EPB41L2: variants seen among roughly 807,000 people sequenced by gnomAD.
The protein encoded by EPB41L2 is erythrocyte membrane protein band 4.1 like 2, also known as band 4.1-like protein 2.
Under a neutral mutation model 113.0 loss-of-function variants are expected in EPB41L2, and 43 were observed. That is an observed-to-expected ratio of 0.38 (90% CI 0.30 to 0.49). The LOEUF (loss-of-function observed/expected upper bound fraction) is 0.49, where lower values mean the gene tolerates loss of function less well. Ranked by LOEUF, EPB41L2 falls within the 20% of genes least tolerant of loss-of-function variation. The pLI is 0.95. For missense variants in EPB41L2, 1,147 were observed against 1,223.4 expected (o/e 0.94, Z 0.93); for synonymous variants, 442 against 436.7 (o/e 1.01, Z -0.15).
At chr6:130,879,808 T>C (rs931050189) in intron 13 of EPB41L2, among the ~76,000 whole-genome samples, 3 of 152,238 alleles carry the variant, frequency 2.0e-5, no homozygotes, top group South Asian at 2.1e-4. Context: ...AAGGATGAGA[T>C]TGTGTTACCT....
At chr6:130,882,235 TTC>T (rs1361788822) in intron 12 of EPB41L2, 2 of 152,226 alleles carry the variant, frequency 1.3e-5, no homozygotes, top group African/African-American at 4.8e-5. Context: ...CCCCCACACC[TTC>T]TGTTACAAAT....
chr6:130,951,230 T>G (rs1272415234), intron 3 of EPB41L2, among the ~76,000 whole-genome samples: 1 of 108,782 alleles, frequency 9.2e-6, no homozygotes, highest in Admixed American at 1.4e-4. Flanking sequence ...GCACTCCAGC[T>G]TGGGTGACAG....
At position 130,926,745 on chromosome 6, in the gene EPB41L2, TA is replaced by T; in HGVS notation, c.706-37del. ...AATAATAACTTTACTTTTCAAGTAC[TA>T]AAGATTCCAAGACTGCTATAAATTT... On this transcript the variant is annotated intron_variant, in intron 3 of 19. Transcript: ENST00000337057. 2.2e-6 allele frequency: 3 copies of T among 1,358,384 alleles called. No individual in the cohort carries two copies. In the South Asian group the frequency reaches 3.8e-5, roughly 17 times the overall value. 84.1% of individuals were successfully genotyped at this position (1,358,384 alleles called of 1,614,324 possible).
intron 8 of EPB41L2, among the ~76,000 whole-genome samples, chr6:130,897,870 A>G (rs1168357764): frequency 2.6e-5 from 4 of 152,198 alleles, no homozygotes; most frequent in Non-Finnish European, 4.4e-5. Context: ...AAAATTAAAA[A>G]ACATTCAAAC....
intron 1 of EPB41L2, among the ~76,000 whole-genome samples, chr6:131,002,877 G>T (rs924807764): frequency 3.3e-5 from 5 of 152,258 alleles, no homozygotes; most frequent in African/African-American, 1.2e-4. Flanking sequence ...AACCCTCGGG[G>T]TCAATGATCT....
intron 18 of EPB41L2, among the ~76,000 whole-genome samples, chr6:130,861,031 C>T (rs1006376619): frequency 1.3e-5 from 2 of 151,968 alleles, no homozygotes; most frequent in African/African-American, 4.8e-5. Flanking sequence ...TTCTGTCTGG[C>T]CCAGTGAAAG....
chr6:130,844,805 G>A (rs1317435981), intron 19 of EPB41L2, among the ~76,000 whole-genome samples: 1 of 152,154 alleles, frequency 6.6e-6, no homozygotes, highest in Admixed American at 6.5e-5. Context: ...CACTTTGGGA[G>A]GTCGAGAAGG....
At chr6:130,989,069 A>T (rs1256469595) in intron 1 of EPB41L2, among the ~76,000 whole-genome samples, 1 of 149,024 alleles carries the variant, frequency 6.7e-6, no homozygotes, top group African/African-American at 2.5e-5. Context: ...AGCCTGGGAG[A>T]TAAAGTGAGA....
intron 1 of EPB41L2, among the ~76,000 whole-genome samples, chr6:130,983,520 T>C (rs1283577879): frequency 2.6e-5 from 3 of 117,246 alleles, no homozygotes; most frequent in Non-Finnish European, 5.1e-5. Flanking sequence ...TACTATAGAC[T>C]TTTTTTTTTT....
rs150140405 is a variant in EPB41L2, at chr6:131,032,969, G to A, written c.-15+30186C>T. On this transcript the variant is annotated intron_variant, in intron 1 of 19. Transcript: ENST00000337057. ...CAGCTTACTGCAACCTCTGTCACCC[G>A]GATTCAAGCAATTCTCCTGCCTCAG... Among the ~76,000 whole-genome samples, 1,001 of 152,252 alleles carry A rather than the reference G, an allele frequency of 6.6e-3. 11 individuals are homozygous for A. Among genetic ancestry groups the A allele is most frequent in the African/African-American group, 0.023 (945 of 41,556 alleles).
intron 19 of EPB41L2, among the ~76,000 whole-genome samples, chr6:130,852,403 T>C (rs1779027826): frequency 6.6e-6 from 1 of 152,180 alleles, no homozygotes; most frequent in African/African-American, 2.4e-5. Flanking sequence ...CCCATGACAG[T>C]TGGTCTCTCC....
At chr6:130,883,533 C>T (rs1023811950) in intron 12 of EPB41L2, among the ~76,000 whole-genome samples, 1 of 152,184 alleles carries the variant, frequency 6.6e-6, no homozygotes, top group East Asian at 1.9e-4. Context: ...TTGTTCACCG[C>T]AGACAAGGAG....
chr6:130,954,036 C>CTTTTT (rs1816328530), intron 3 of EPB41L2, among the ~76,000 whole-genome samples: 9 of 45,518 alleles, frequency 2.0e-4, no homozygotes, highest in East Asian at 5.2e-4. Flanking sequence ...TAGTCCTTTT[C>CTTTTT]TTTCTTTTTT....
chr6:130,943,673 G>C (rs553009202), intron 3 of EPB41L2, among the ~76,000 whole-genome samples: 1 of 152,304 alleles, frequency 6.6e-6, no homozygotes, highest in African/African-American at 2.4e-5. Flanking sequence ...CCCTGGTTTT[G>C]AAACCAAATG....
chr6:130,901,291 C>T (rs1796236048), intron 6 of EPB41L2, 111 bp from the exon 7 acceptor site: 2 of 848,450 alleles, frequency 2.4e-6, no homozygotes, highest in Non-Finnish European at 3.6e-6. Flanking sequence ...ACAATATAGG[C>T]ACTCTTCATA....
At chr6:130,947,761 C>A (rs1813433576) in intron 3 of EPB41L2, among the ~76,000 whole-genome samples, 1 of 152,168 alleles carries the variant, frequency 6.6e-6, no homozygotes, top group South Asian at 2.1e-4. Context: ...AAGAACAGGT[C>A]TGATGAGTAA....
At position 130,890,245 on chromosome 6, in the gene EPB41L2, G is replaced by T. The variant is rs755423966; in HGVS notation, c.1660+49C>A. On this transcript the variant is annotated intron_variant, in intron 11 of 19. Coordinates refer to ENST00000337057, the MANE Select transcript of EPB41L2 (RefSeq NM_001431.4). ...TGGATTAACATTTTCTGACCTCATG[G>T]GATTAGAGAAAGATGAATGAAAATC... The T allele has an allele frequency of 4.5e-6, 7 of 1,565,554 alleles. No homozygotes were observed. In the East Asian group the frequency reaches 6.8e-5, roughly 15 times the overall value.
intron 1 of EPB41L2, among the ~76,000 whole-genome samples, chr6:131,018,661 T>C (rs1249348582): frequency 6.6e-6 from 1 of 152,236 alleles, no homozygotes; most frequent in Non-Finnish European, 1.5e-5. Flanking sequence ...ATTGGCTTCT[T>C]GCCTTTAAGT....
intron 3 of EPB41L2, among the ~76,000 whole-genome samples, chr6:130,940,462 A>AT (rs1810422091): frequency 6.7e-6 from 1 of 149,800 alleles, no homozygotes; most frequent in African/African-American, 2.5e-5. Flanking sequence ...TCCTAAATAT[A>AT]TCTTTTTTTT....
Sources: gnomAD v4.1 joint callset for allele counts (sites outside exome capture counted in the v4.1 genomes callset) on GRCh38, gnomAD v4.1.1 for gene constraint, MANE v1.5 for transcripts, NCBI Gene and HGNC (gene_info 2026-07-23, HGNC 2026-07-21) for gene names.